The following ZNF346 variants were observed in gnomAD, a reference collection of about 807,000 sequenced individuals.
The protein encoded by ZNF346 is zinc finger protein 346, also known as double-stranded RNA-binding zinc finger protein JAZ.
ZNF346 carries 23 observed loss-of-function variants against 33.7 expected under a neutral mutation model. The observed-to-expected ratio is 0.68, with a 90% confidence interval of 0.49 to 0.97. The LOEUF is 0.97. ZNF346 is among the 50% of genes least tolerant of loss of function. The pLI, the probability that ZNF346 is intolerant of heterozygous loss-of-function variation, is 0.00. For synonymous variants in ZNF346, 134 were observed against 142.4 expected (o/e 0.94, Z 0.42); for missense variants, 340 against 371.1 (o/e 0.92, Z 0.69).
intron 5 of ZNF346, among the ~76,000 whole-genome samples, chr5:177,053,665 A>G (rs1781275368): frequency 6.6e-6 from 1 of 152,150 alleles, no homozygotes; most frequent in Non-Finnish European, 1.5e-5. Context: ...TTTTTCTTAC[A>G]TGTGTTCTTG....
chr5:177,078,095 T>C (rs1783840502), intron 8 of ZNF346, among the ~76,000 whole-genome samples: 1 of 151,846 alleles, frequency 6.6e-6, no homozygotes, highest in Non-Finnish European at 1.5e-5. Flanking sequence ...TGCAGTGAGC[T>C]GAGATTGCAC....
intron 1 of ZNF346, among the ~76,000 whole-genome samples, chr5:177,038,702 A>C (rs559145913): frequency 6.6e-6 from 1 of 151,740 alleles, no homozygotes; most frequent in East Asian, 2.0e-4. Context: ...TGGGTTTGGG[A>C]GTCTGATTCT....
chr5:177,035,633 CTTTTTT>C (rs57259759), intron 1 of ZNF346, among the ~76,000 whole-genome samples: 4 of 102,046 alleles, frequency 3.9e-5, no homozygotes, highest in Admixed American at 2.2e-4. Flanking sequence ...GGCTAATTGA[CTTTTTT>C]TTTTTTTTTT....
At chr5:177,042,042 G>T in intron 3 of ZNF346, 172 bp downstream of exon 3, 1 of 517,224 alleles carries the variant, frequency 1.9e-6, no homozygotes, top group South Asian at 3.5e-5. Context: ...AATGAGGATG[G>T]TAATATCAAC....
chr5:177,070,644 T>C (rs1043023435), downstream of ZNF346, among the ~76,000 whole-genome samples: 1 of 152,200 alleles, frequency 6.6e-6, no homozygotes. Context: ...TGATAAATGC[T>C]ATATAAATGA....
At chr5:177,079,008 C>T (rs1029277839) in intron 8 of ZNF346, among the ~76,000 whole-genome samples, 5 of 149,780 alleles carry the variant, frequency 3.3e-5, no homozygotes, top group African/African-American at 7.4e-5. Flanking sequence ...CGGTGGCTCA[C>T]GCCTATAATC....
At chr5:177,055,608 A>T (rs1054442795) in intron 5 of ZNF346, among the ~76,000 whole-genome samples, 5 of 152,232 alleles carry the variant, frequency 3.3e-5, no homozygotes, top group Non-Finnish European at 5.9e-5. Flanking sequence ...GAACCGGCAA[A>T]GTATCTCCCC....
chr5:177,070,908 C>T (rs1430474557), downstream of ZNF346, among the ~76,000 whole-genome samples: 1 of 152,160 alleles, frequency 6.6e-6, no homozygotes, highest in African/African-American at 2.4e-5. Flanking sequence ...AGTGACACTA[C>T]TGAGGTGTCA....
chr5:177,024,394 C>T (rs1178159937), intron 1 of ZNF346, among the ~76,000 whole-genome samples: 2 of 151,936 alleles, frequency 1.3e-5, no homozygotes, highest in African/African-American at 4.8e-5. Flanking sequence ...GATGGGGTTT[C>T]ACCATGTTGG....
At chr5:177,022,940 A>G (rs963175313) in intron 1 of ZNF346, 27 bp downstream of exon 1, 18 of 1,450,512 alleles carry the variant, frequency 1.2e-5, no homozygotes, top group Admixed American at 2.8e-5. Context: ...GGAGGCAGAA[A>G]GCCCCTCGCC....
At chr5:177,053,330 A>AC (rs1243585946) in intron 5 of ZNF346, among the ~76,000 whole-genome samples, 12 of 151,436 alleles carry the variant, frequency 7.9e-5, no homozygotes, top group Non-Finnish European at 1.3e-4. Flanking sequence ...AAAAAAAAAA[A>AC]AAAAAAAACA....
intron 5 of ZNF346, among the ~76,000 whole-genome samples, chr5:177,057,095 G>A (rs973240744): frequency 3.3e-5 from 5 of 152,030 alleles, no homozygotes; most frequent in African/African-American, 1.2e-4. Flanking sequence ...TGGATCATCT[G>A]AGGTCAGGAG....
At chr5:177,055,820 A>G in intron 5 of ZNF346, among the ~76,000 whole-genome samples, 1 of 152,058 alleles carries the variant, frequency 6.6e-6, no homozygotes, top group Non-Finnish European at 1.5e-5. Context: ...TCACACCTCT[A>G]ATCCCAGCAC....
intron 1 of ZNF346, among the ~76,000 whole-genome samples, chr5:177,038,681 T>C (rs184613594): frequency 1.2e-4 from 18 of 151,932 alleles, no homozygotes; most frequent in Admixed American, 3.9e-4. Context: ...GGTGCTTACC[T>C]GCCCTTGCTG....
At chr5:177,040,080 C>T (rs888185848) in intron 1 of ZNF346, among the ~76,000 whole-genome samples, 1 of 151,090 alleles carries the variant, frequency 6.6e-6, no homozygotes, top group Non-Finnish European at 1.5e-5. Flanking sequence ...ACTCGGGAGG[C>T]TGAGGCAGGA....
At chr5:177,048,659 G>A (rs538347032) in intron 4 of ZNF346, among the ~76,000 whole-genome samples, 2 of 152,104 alleles carry the variant, frequency 1.3e-5, no homozygotes, top group African/African-American at 4.8e-5. Context: ...GGAAAATAGT[G>A]AAACACACTC....
intron 4 of ZNF346, among the ~76,000 whole-genome samples, chr5:177,045,014 G>C (rs537863919): frequency 6.6e-6 from 1 of 152,300 alleles, no homozygotes; most frequent in Admixed American, 6.5e-5. Context: ...TTTCAAAGCT[G>C]AATACTTCAG....
intron 3 of ZNF346, 87 bp downstream of exon 3, chr5:177,041,957 C>T: frequency 1.3e-6 from 1 of 785,926 alleles, no homozygotes; most frequent in Non-Finnish European, 2.1e-6. Context: ...ACTGTCTTGG[C>T]TTCAAATCCT....
chr5:177,025,996 TA>T (rs113035394), intron 1 of ZNF346, among the ~76,000 whole-genome samples: 2,028 of 53,118 alleles, frequency 0.038, 43 homozygotes, highest in African/African-American at 0.075. Flanking sequence ...TTATTATTAT[TA>T]TTTTTTTTTT....
Sources: gnomAD v4.1 joint callset for allele counts (sites outside exome capture counted in the v4.1 genomes callset) on GRCh38, gnomAD v4.1.1 for gene constraint, MANE v1.5 for transcripts, NCBI Gene and HGNC (gene_info 2026-07-23, HGNC 2026-07-21) for gene names.